The following NRG1 variants were observed in gnomAD, a reference collection of about 807,000 sequenced individuals.
NRG1 encodes the protein neuregulin 1.
NRG1 carries 18 observed loss-of-function variants against 63.8 expected under a neutral mutation model. The ratio of observed to expected loss-of-function variants is 0.28; its 90% CI spans 0.19 to 0.42. NRG1 has a LOEUF of 0.42. NRG1 is among the 10% of genes least tolerant of loss of function. The pLI is 1.00. For missense variants in NRG1, 762 were observed against 814.7 expected, an observed-to-expected ratio of 0.94 and a Z score of 0.79; for synonymous variants, 302 against 301.3, an observed-to-expected ratio of 1.00 and a Z score of -0.02.
chr8:31,766,293 G>T (rs1818050905), intron 1 of NRG1, among the ~76,000 whole-genome samples: 1 of 152,158 alleles, frequency 6.6e-6, no homozygotes, highest in Non-Finnish European at 1.5e-5. Flanking sequence ...CCCCTGAGTT[G>T]TATCCTGAGC....
At chr8:31,998,758 C>T (rs557604952) in intron 1 of NRG1, among the ~76,000 whole-genome samples, 1 of 152,092 alleles carries the variant, frequency 6.6e-6, no homozygotes, top group South Asian at 2.1e-4. Flanking sequence ...GCCAATTAGG[C>T]ACCTTAGGAA....
At chr8:32,764,427 C>T (rs978739179) in exon 12 of NRG1, 2 of 1,494,272 alleles carry the variant, frequency 1.3e-6, no homozygotes, top group African/African-American at 1.4e-5. Flanking sequence ...CATAGATTCA[C>T]CTGTAAAACT....
chr8:32,057,710 G>T lies in NRG1; in HGVS notation c.37+418279G>T, dbSNP rs556939983. On this transcript the variant is annotated intron_variant, in intron 1 of 10. Coordinates refer to the NRG1 transcript ENST00000519301. The stretch of plus-strand genomic sequence containing the variant: ...TCTTTTTGAACTTTTCACTTTTCCT[G>T]TGTAAGTATAAGCTAAGTACTTATT... Among the ~76,000 whole-genome samples the T allele has an allele frequency of 5.3e-5, 8 of 152,222 alleles. No homozygotes were observed. In the South Asian group the frequency reaches 1.7e-3, roughly 32 times the overall value.
chr8:32,494,059 C>T (rs533626432), intron 1 of NRG1, among the ~76,000 whole-genome samples: 1 of 152,236 alleles, frequency 6.6e-6, no homozygotes, highest in African/African-American at 2.4e-5. Context: ...TTGTTTGTAA[C>T]AAATGCGGTG....
intron 1 of NRG1, among the ~76,000 whole-genome samples, chr8:32,076,428 T>A (rs867659776): frequency 1.9e-3 from 26 of 13,678 alleles, no homozygotes; most frequent in African/African-American, 2.9e-3. Context: ...AGAAAATAAT[T>A]CTGGGGTGTT....
At chr8:32,328,609 A>G (rs1026600287) in intron 1 of NRG1, among the ~76,000 whole-genome samples, 4 of 152,250 alleles carry the variant, frequency 2.6e-5, no homozygotes, top group East Asian at 3.9e-4. Context: ...GTACAGCAAA[A>G]GTAAGGCCAT....
chr8:32,584,103 G>A (rs1221908739), intron 1 of NRG1, among the ~76,000 whole-genome samples: 1 of 152,142 alleles, frequency 6.6e-6, no homozygotes, highest in Non-Finnish European at 1.5e-5. Flanking sequence ...TGTGTTTTAT[G>A]AGACCAAAGG....
At chr8:32,681,957 C>A (rs2128918108) in intron 5 of NRG1, among the ~76,000 whole-genome samples, 1 of 152,248 alleles carries the variant, frequency 6.6e-6, no homozygotes, top group Non-Finnish European at 1.5e-5. Flanking sequence ...GTAATACATT[C>A]TTTAAGTACC....
At chr8:31,720,103 T>C (rs1277407497) in intron 1 of NRG1, among the ~76,000 whole-genome samples, 1 of 152,162 alleles carries the variant, frequency 6.6e-6, no homozygotes, top group Non-Finnish European at 1.5e-5. Flanking sequence ...TCCTTCTGGA[T>C]TTTAATTTAA....
At chr8:32,113,621 CTGATA>C (rs376876042) in intron 1 of NRG1, among the ~76,000 whole-genome samples, 11 of 152,286 alleles carry the variant, frequency 7.2e-5, no homozygotes, top group Non-Finnish European at 1.3e-4. Flanking sequence ...TTCATAGAAT[CTGATA>C]TAAGTGTCTA....
At chr8:32,054,863 C>CTTTTTTTTTTTTTTTTTTT (rs543522972) in intron 1 of NRG1, among the ~76,000 whole-genome samples, 1 of 64,024 alleles carries the variant, frequency 1.6e-5, no homozygotes, top group African/African-American at 6.1e-5. Flanking sequence ...TTCTTTCTTT[C>CTTTTTTTTTTTTTTTTTTT]TTTTTTTTTT....
intron 1 of NRG1, among the ~76,000 whole-genome samples, chr8:31,694,936 A>G (rs1292979000): frequency 5.9e-5 from 9 of 152,298 alleles, no homozygotes; most frequent in Non-Finnish European, 8.8e-5. Flanking sequence ...ACTTGGGAGA[A>G]CTTCTTAATG....
At chr8:32,548,805 G>C in exon 1 of NRG1, 1 of 1,576,282 alleles carries the variant, frequency 6.3e-7, no homozygotes, top group Non-Finnish European at 8.6e-7. Flanking sequence ...GCCGGAGTCC[G>C]CGGCGGGCAG....
intron 1 of NRG1, among the ~76,000 whole-genome samples, chr8:31,657,547 T>C (rs1343697078): frequency 6.6e-6 from 1 of 152,128 alleles, no homozygotes; most frequent in Non-Finnish European, 1.5e-5. Flanking sequence ...GAATCTGCAT[T>C]TTTGAAAAGC....
intron 1 of NRG1, among the ~76,000 whole-genome samples, chr8:32,011,842 T>C (rs946090782): frequency 2.0e-5 from 3 of 152,144 alleles, no homozygotes; most frequent in Non-Finnish European, 2.9e-5. Context: ...ACTTTTTCAC[T>C]ATTTTATTCA....
intron 1 of NRG1, among the ~76,000 whole-genome samples, chr8:32,122,057 C>CT (rs1024931603): frequency 4.6e-5 from 7 of 151,920 alleles, no homozygotes; most frequent in Non-Finnish European, 8.8e-5. Context: ...ATGGGTAAGA[C>CT]TGACCAAAGA....
Position 31,653,689 on chromosome 8 carries a change from G to A in NRG1, c.37+14258G>A, listed in dbSNP as rs193085744. On this transcript the variant is annotated intron_variant, in intron 1 of 10. Coordinates refer to the NRG1 transcript ENST00000519301. Reference sequence around the variant, plus strand: ...TGTATGTGTGTTGTAGATAAATAGTGTATTAACTATGTGTAATTCCTTATT... The same window carrying A: ...TGTATGTGTGTTGTAGATAAATAGTATATTAACTATGTGTAATTCCTTATT... Among the ~76,000 whole-genome samples, 40 of 152,326 alleles carry A rather than the reference G, an allele frequency of 2.6e-4. No homozygotes were observed. The East Asian group carries it at 7.1e-3, about 27-fold the overall frequency.
chr8:31,951,716 G>C (rs1448786016), intron 1 of NRG1, among the ~76,000 whole-genome samples: 1 of 152,118 alleles, frequency 6.6e-6, no homozygotes, highest in Non-Finnish European at 1.5e-5. Flanking sequence ...CACTTCCCCT[G>C]GGATGGTGAG....
At chr8:32,591,466 G>T (rs1245324543) in intron 1 of NRG1, among the ~76,000 whole-genome samples, 2 of 152,010 alleles carry the variant, frequency 1.3e-5, no homozygotes, top group East Asian at 3.9e-4. Flanking sequence ...ATCTCGTAAG[G>T]CAAGGAATGT....
Sources: gnomAD v4.1 joint callset for allele counts (sites outside exome capture counted in the v4.1 genomes callset) on GRCh38, gnomAD v4.1.1 for gene constraint, MANE v1.5 for transcripts, NCBI Gene and HGNC (gene_info 2026-07-23, HGNC 2026-07-21) for gene names.